Variants in NRXN1 observed in about 807,000 individuals in gnomAD.
NRXN1 encodes the protein neurexin-1.
In NRXN1, 39 loss-of-function variants were observed where a neutral mutation model predicts 150.9. That is an observed-to-expected ratio of 0.26 (90% confidence interval 0.20 to 0.34). NRXN1 has a LOEUF of 0.34. Among genes scored for constraint, NRXN1 ranks in the 10% least tolerant of loss-of-function variants. The pLI, the probability that NRXN1 is intolerant of heterozygous loss-of-function variation, is 1.00. For missense variants in NRXN1, 1,815 were observed against 1,949.9 expected (o/e 0.93, Z 1.30); for synonymous variants, 924 against 757.0 (o/e 1.22, Z -3.62).
chr2:50,842,147 G>T (rs888345556), intron 5 of NRXN1, among the ~76,000 whole-genome samples: 2 of 152,148 alleles, frequency 1.3e-5, no homozygotes, highest in Admixed American at 1.3e-4. Flanking sequence ...CCTGTCACCA[G>T]CAAAAATGCT....
chr2:50,530,236 T>C (rs2093063451), intron 11 of NRXN1, among the ~76,000 whole-genome samples: 1 of 152,110 alleles, frequency 6.6e-6, no homozygotes. Flanking sequence ...CAAAGATCTC[T>C]TAAGAAAAAA....
At chr2:50,073,580 C>T (rs1010888492) in intron 19 of NRXN1, among the ~76,000 whole-genome samples, 16 of 152,244 alleles carry the variant, frequency 1.1e-4, no homozygotes, top group African/African-American at 3.6e-4. Context: ...AATAGGTAGT[C>T]ACAGTAGTGC....
chr2:50,318,428 T>C (rs1198772640), intron 17 of NRXN1, among the ~76,000 whole-genome samples: 4 of 152,112 alleles, frequency 2.6e-5, no homozygotes, highest in African/African-American at 9.7e-5. Flanking sequence ...GCAACAATAC[T>C]GCTCCTGAGT....
rs558640839 is a variant in NRXN1, at chr2:49,926,749, A to AT, written c.4217-4499dup. On this transcript the variant is annotated intron_variant, in intron 22 of 22. Coordinates refer to ENST00000401669, the MANE Select transcript of NRXN1 (RefSeq NM_001330078.2). ...AAATCGCCCTATGTATTATTTATTT[A>AT]TTTTTGATAGTCTTTGATACAGTAT... Among the ~76,000 whole-genome samples the AT allele has an allele frequency of 3.9e-4, 59 of 152,300 alleles. No individual in the cohort carries two copies. The East Asian group carries it at 0.011, about 27-fold the overall frequency.
At position 50,552,819 on chromosome 2, in the gene NRXN1, A is replaced by T; in HGVS notation, c.1527T>A (p.Arg509=). Residue 509 remains arginine (R), a synonymous_variant, in exon 9 of 23, where the codon CGT becomes CGA. Coordinates refer to ENST00000401669, the MANE Select transcript of NRXN1 (RefSeq NM_001330078.2). The part of the protein sequence containing the change: ...KKTGSISFDF[R]TTEPNGLILF... ...AGATGAGGCCATTTGGCTCTGTTGT[A>T]CGGAAATCAAATGATATGGAGCCAG... 12 of 1,613,928 alleles carry T rather than the reference A, an allele frequency of 7.4e-6. No individual in the cohort carries two copies. Among genetic ancestry groups the T allele is most frequent in the Non-Finnish European group, 1.0e-5 (12 of 1,179,844 alleles).
intron 5 of NRXN1, among the ~76,000 whole-genome samples, chr2:50,896,041 T>A (rs1390754795): frequency 6.6e-6 from 1 of 152,054 alleles, no homozygotes. Flanking sequence ...AGAAGCAATC[T>A]AAAAAAGCCC....
intron 16 of NRXN1, among the ~76,000 whole-genome samples, chr2:50,466,767 C>T (rs911954519): frequency 1.3e-5 from 2 of 151,628 alleles, no homozygotes; most frequent in Non-Finnish European, 2.9e-5. Context: ...TTAAAAGGGC[C>T]TTTGTATGTT....
intron 18 of NRXN1, among the ~76,000 whole-genome samples, chr2:50,117,605 C>T (rs114357459): frequency 0.014 from 2,139 of 152,112 alleles, 48 homozygotes; most frequent in African/African-American, 0.049. Context: ...AATGAATACA[C>T]CTTCTAGCAA....
intron 21 of NRXN1, among the ~76,000 whole-genome samples, chr2:50,048,334 T>C (rs1227130233): frequency 6.6e-6 from 1 of 152,142 alleles, no homozygotes; most frequent in African/African-American, 2.4e-5. Context: ...ATAAATTAAT[T>C]ATTCATGTCA....
intron 2 of NRXN1, among the ~76,000 whole-genome samples, chr2:50,967,792 T>C (rs1368339492): frequency 1.3e-5 from 2 of 151,980 alleles, no homozygotes; most frequent in Non-Finnish European, 2.9e-5. Flanking sequence ...GGAGGCAACC[T>C]GCACCATTTC....
chr2:50,115,679 G>C (rs1315114906), intron 18 of NRXN1, among the ~76,000 whole-genome samples: 1 of 151,906 alleles, frequency 6.6e-6, no homozygotes, highest in Non-Finnish European at 1.5e-5. Flanking sequence ...TTGGACAAAA[G>C]CAACAGAAAG....
chr2:50,322,800 A>G (rs929691851), intron 17 of NRXN1, among the ~76,000 whole-genome samples: 1 of 152,238 alleles, frequency 6.6e-6, no homozygotes, highest in African/African-American at 2.4e-5. Flanking sequence ...ATTAAAAGAC[A>G]TTAGTCCTAA....
intron 5 of NRXN1, among the ~76,000 whole-genome samples, chr2:50,627,730 T>G (rs949976347): frequency 2.6e-5 from 4 of 151,462 alleles, no homozygotes; most frequent in African/African-American, 9.7e-5. Context: ...TTAAAGACAA[T>G]CCTGCAGCCC....
At chr2:50,154,280 T>C (rs1367330857) in intron 18 of NRXN1, among the ~76,000 whole-genome samples, 1 of 151,664 alleles carries the variant, frequency 6.6e-6, no homozygotes, top group Middle Eastern at 3.4e-3. Context: ...GGGTGATGAG[T>C]GCACCAAAAT....
chr2:50,395,007 C>T (rs2081969129), intron 17 of NRXN1, among the ~76,000 whole-genome samples: 1 of 151,986 alleles, frequency 6.6e-6, no homozygotes, highest in Non-Finnish European at 1.5e-5. Context: ...AAAGAAGCCT[C>T]TCATAATTTT....
intron 2 of NRXN1, among the ~76,000 whole-genome samples, chr2:51,018,569 C>T (rs1184755514): frequency 6.6e-6 from 1 of 152,016 alleles, no homozygotes; most frequent in East Asian, 1.9e-4. Flanking sequence ...ACACGCTTAG[C>T]CAAAAAGAGG....
chr2:50,680,427 GC>G (rs1198572656), intron 5 of NRXN1, among the ~76,000 whole-genome samples: 8 of 152,012 alleles, frequency 5.3e-5, no homozygotes, highest in Non-Finnish European at 7.4e-5. Flanking sequence ...TAGCAAGCAA[GC>G]TTTTGCTTTT....
At chr2:50,250,018 T>G (rs633128) in intron 17 of NRXN1, among the ~76,000 whole-genome samples, 62,906 of 151,992 alleles carry the variant, frequency 0.41, 13,222 homozygotes, top group Middle Eastern at 0.46. Context: ...TAAATAACTT[T>G]TCTAATAAAT....
intron 2 of NRXN1, among the ~76,000 whole-genome samples, chr2:51,017,566 C>T (rs1307349765): frequency 8.0e-6 from 1 of 124,768 alleles, no homozygotes; most frequent in East Asian, 2.5e-4. Context: ...TTTTTTGTCC[C>T]GCCTGGTCTG....
Sources: allele counts gnomAD v4.1 joint callset (sites outside exome capture counted in the v4.1 genomes callset), GRCh38; gene constraint gnomAD v4.1.1; transcripts MANE v1.5; gene names NCBI Gene and HGNC (gene_info 2026-07-23, HGNC 2026-07-21).